The following ZFP2 variants were observed in gnomAD, a reference collection of about 807,000 sequenced individuals.
ZFP2 encodes ZFP2 zinc finger protein, also known as zinc finger protein ZFP2.
In ZFP2, 33 loss-of-function variants were observed where a neutral mutation model predicts 36.1. That is an observed-to-expected ratio of 0.92 (90% CI 0.69 to 1.22). The LOEUF is 1.22. ZFP2 is among the 50% of genes most tolerant of loss of function. ZFP2 has a pLI of 0.00. For synonymous variants in ZFP2, 170 were observed against 178.0 expected, an observed-to-expected ratio of 0.96 and a Z score of 0.36; for missense variants, 522 against 551.4, an observed-to-expected ratio of 0.95 and a Z score of 0.53.
chr5:178,931,208 T>C lies in ZFP2; in HGVS notation c.-77-29T>C, dbSNP rs1758826309. On this transcript the variant is annotated intron_variant, in intron 4 of 4. Transcript: ENST00000361362. ...TCCAGTCTCCTAGCACAGAAACCAA[T>C]GTGCATTTGAATTTTTTTTTTTTTT... is the stretch of plus-strand genomic sequence containing the variant. 9 of 1,499,220 alleles carry C rather than the reference T, an allele frequency of 6.0e-6. No individual in the cohort carries two copies. In the South Asian group the frequency reaches 9.9e-5, roughly 17 times the overall value. The allele number at this position is 1,499,220 out of a possible 1,614,324, so 92.9% of individuals were successfully genotyped here.
At chr5:178,927,250 G>C (rs900650727) in intron 4 of ZFP2, among the ~76,000 whole-genome samples, 1 of 152,132 alleles carries the variant, frequency 6.6e-6, no homozygotes, top group Admixed American at 6.5e-5. Context: ...GCGTATTTAG[G>C]AAATGGTAGT....
intron 1 of ZFP2, among the ~76,000 whole-genome samples, chr5:178,908,429 A>C (rs1365790662): frequency 2.7e-5 from 4 of 150,604 alleles, no homozygotes; most frequent in African/African-American, 9.8e-5. Context: ...CCTGGGTGAC[A>C]GAGGAAGACT....
intron 3 of ZFP2, among the ~76,000 whole-genome samples, chr5:178,913,476 A>T (rs940652246): frequency 6.6e-6 from 1 of 152,144 alleles, no homozygotes; most frequent in African/African-American, 2.4e-5. Flanking sequence ...TCTGTCATTC[A>T]TGTAAATATT....
intron 1 of ZFP2, among the ~76,000 whole-genome samples, chr5:178,903,927 G>A (rs1758111899): frequency 1.3e-5 from 2 of 152,058 alleles, no homozygotes; most frequent in South Asian, 4.1e-4. Context: ...GGAGGTGAAG[G>A]TTGCCGTGAG....
chr5:178,914,842 C>T (rs1758384308), intron 3 of ZFP2, among the ~76,000 whole-genome samples: 1 of 152,126 alleles, frequency 6.6e-6, no homozygotes, highest in African/African-American at 2.4e-5. Context: ...TGATGGGCCA[C>T]ATGGGAGAAC....
chr5:178,929,953 G>C (rs1161952770), intron 4 of ZFP2, among the ~76,000 whole-genome samples: 4 of 146,050 alleles, frequency 2.7e-5, no homozygotes, highest in African/African-American at 9.9e-5. Context: ...GGGGGGGGGG[G>C]CTCAGGAGGC....
At chr5:178,929,918 A>G (rs540664581) in intron 4 of ZFP2, among the ~76,000 whole-genome samples, 2 of 145,420 alleles carry the variant, frequency 1.4e-5, no homozygotes, top group East Asian at 4.2e-4. Context: ...TACAAGAGGC[A>G]TAGTGCCAGC....
intron 4 of ZFP2, among the ~76,000 whole-genome samples, chr5:178,924,229 C>T (rs1168922203): frequency 3.4e-5 from 5 of 148,254 alleles, no homozygotes; most frequent in African/African-American, 9.7e-5. Flanking sequence ...AAAAATTAGC[C>T]GGGCATGGTG....
chr5:178,908,066 TTGGCTCTCCA>T (rs1758201562), intron 1 of ZFP2, among the ~76,000 whole-genome samples: 1 of 152,228 alleles, frequency 6.6e-6, no homozygotes, highest in Non-Finnish European at 1.5e-5. Flanking sequence ...TTGGCTGGCC[TTGGCTCTCCA>T]AGAGCTCTAA....
chr5:178,928,154 C>A (rs1253949105), intron 4 of ZFP2, among the ~76,000 whole-genome samples: 1 of 152,002 alleles, frequency 6.6e-6, no homozygotes, highest in Non-Finnish European at 1.5e-5. Context: ...AAGGCCCAAC[C>A]TCCAACACTG....
chr5:178,900,038 A>C (rs931957629), intron 1 of ZFP2, among the ~76,000 whole-genome samples: 5 of 152,184 alleles, frequency 3.3e-5, no homozygotes, highest in African/African-American at 1.2e-4. Flanking sequence ...GTATTGGACA[A>C]AGGGAGTTTC....
intron 1 of ZFP2, among the ~76,000 whole-genome samples, chr5:178,909,001 C>G (rs765369856): frequency 6.7e-6 from 1 of 149,336 alleles, no homozygotes; most frequent in African/African-American, 2.5e-5. Context: ...CCTGCCGCAC[C>G]GTTATCTAAG....
intron 1 of ZFP2, among the ~76,000 whole-genome samples, chr5:178,901,901 C>A (rs1370757323): frequency 6.6e-6 from 1 of 151,846 alleles, no homozygotes; most frequent in Admixed American, 6.6e-5. Flanking sequence ...TGGGAGGCCA[C>A]GGCAGGTGGA....
chr5:178,909,960 A>C (rs1192400448), intron 1 of ZFP2: 2 of 1,402,622 alleles, frequency 1.4e-6, no homozygotes, highest in Non-Finnish European at 2.0e-6. Context: ...CCATTGGTCC[A>C]ATACTGGAGA....
At chr5:178,908,519 T>C (rs1758218214) in intron 1 of ZFP2, among the ~76,000 whole-genome samples, 1 of 150,672 alleles carries the variant, frequency 6.6e-6, no homozygotes, top group African/African-American at 2.4e-5. Flanking sequence ...GACCTGCCCT[T>C]AGAAACAATA....
chr5:178,929,930 T>A (rs1758780097), intron 4 of ZFP2, among the ~76,000 whole-genome samples: 1 of 130,592 alleles, frequency 7.7e-6, no homozygotes, highest in Non-Finnish European at 1.8e-5. Context: ...AGTGCCAGCA[T>A]CTGCTTGACG....
chr5:178,923,442 C>T (rs777563083), intron 4 of ZFP2, among the ~76,000 whole-genome samples: 4 of 149,788 alleles, frequency 2.7e-5, no homozygotes, highest in Non-Finnish European at 6.0e-5. Context: ...CTTCGAGGTT[C>T]ATCCTTGAAG....
chr5:178,898,466 A>C (rs527372682), intron 1 of ZFP2, among the ~76,000 whole-genome samples: 1 of 152,334 alleles, frequency 6.6e-6, no homozygotes, highest in African/African-American at 2.4e-5. Flanking sequence ...AATACATGAA[A>C]ATCATTTTCT....
intron 1 of ZFP2, among the ~76,000 whole-genome samples, chr5:178,896,336 G>T (rs1272386880): frequency 2.0e-5 from 3 of 152,190 alleles, no homozygotes; most frequent in African/African-American, 7.2e-5. Context: ...TCCAAGAGTC[G>T]CTCGGACCCG....
Sources: allele counts gnomAD v4.1 joint callset (sites outside exome capture counted in the v4.1 genomes callset), GRCh38; gene constraint gnomAD v4.1.1; transcripts MANE v1.5; gene names NCBI Gene and HGNC (gene_info 2026-07-23, HGNC 2026-07-21).